The following HS3ST4 variants were observed in gnomAD, a reference collection of about 807,000 sequenced individuals.
HS3ST4 encodes the protein heparan sulfate glucosamine 3-O-sulfotransferase 4.
HS3ST4 carries 17 observed loss-of-function variants against 29.2 expected under a neutral mutation model. The ratio of observed to expected loss-of-function variants is 0.58; its 90% confidence interval spans 0.40 to 0.87. The LOEUF (loss-of-function observed/expected upper bound fraction) is 0.87. Ranked by LOEUF, HS3ST4 falls within the 40% of genes least tolerant of loss-of-function variation. HS3ST4 has a pLI of 0.00. For synonymous variants in HS3ST4, 314 were observed against 285.7 expected, an observed-to-expected ratio of 1.10 and a Z score of -1.00; for missense variants, 627 against 634.5, an observed-to-expected ratio of 0.99 and a Z score of 0.13.
chr16:25,838,800 C>T (rs916174880), intron 1 of HS3ST4, among the ~76,000 whole-genome samples: 3 of 152,166 alleles, frequency 2.0e-5, no homozygotes, highest in African/African-American at 7.2e-5. Flanking sequence ...AACACTCAGC[C>T]GAGAAAAGAG....
chr16:26,064,993 T>A (rs564672133), intron 1 of HS3ST4, among the ~76,000 whole-genome samples: 2 of 152,332 alleles, frequency 1.3e-5, no homozygotes, highest in Non-Finnish European at 2.9e-5. Flanking sequence ...TTAAAATACA[T>A]TCCAGATAGT....
At chr16:26,103,973 A>C (rs1443268896) in intron 1 of HS3ST4, among the ~76,000 whole-genome samples, 1 of 152,212 alleles carries the variant, frequency 6.6e-6, no homozygotes, top group East Asian at 1.9e-4. Flanking sequence ...GTTAAATTGA[A>C]ATGCTCTTAA....
chr16:25,872,031 C>T (rs1392466458), intron 1 of HS3ST4, among the ~76,000 whole-genome samples: 1 of 152,158 alleles, frequency 6.6e-6, no homozygotes, highest in African/African-American at 2.4e-5. Context: ...GATACAACCA[C>T]TTAGCCATGT....
At chr16:26,133,001 C>G (rs771076060) in intron 1 of HS3ST4, among the ~76,000 whole-genome samples, 2 of 152,092 alleles carry the variant, frequency 1.3e-5, no homozygotes, top group Middle Eastern at 3.2e-3. Flanking sequence ...ATGGTAGCTC[C>G]CTTGTTGGAC....
chr16:25,882,674 A>G (rs1299366458), intron 1 of HS3ST4, among the ~76,000 whole-genome samples: 3 of 152,154 alleles, frequency 2.0e-5, no homozygotes, highest in Admixed American at 1.3e-4. Flanking sequence ...TTGAGGGCTT[A>G]TGACTACTCT....
At chr16:25,872,780 C>A (rs1967768308) in intron 1 of HS3ST4, among the ~76,000 whole-genome samples, 1 of 152,130 alleles carries the variant, frequency 6.6e-6, no homozygotes, top group Non-Finnish European at 1.5e-5. Flanking sequence ...GGAAGAACTA[C>A]AAAAGCATAT....
At chr16:25,697,069 A>G (rs1004626211) in intron 1 of HS3ST4, among the ~76,000 whole-genome samples, 5 of 152,214 alleles carry the variant, frequency 3.3e-5, no homozygotes, top group Non-Finnish European at 7.4e-5. Context: ...ACTGCCACAC[A>G]TAAAGTACTA....
chr16:25,965,145 C>G (rs934670446), intron 1 of HS3ST4, among the ~76,000 whole-genome samples: 5 of 151,984 alleles, frequency 3.3e-5, no homozygotes, highest in African/African-American at 1.2e-4. Flanking sequence ...TCGGGAGGTG[C>G]GGGTGGGAGG....
At chr16:25,890,503 G>A (rs1419799458) in intron 1 of HS3ST4, among the ~76,000 whole-genome samples, 1 of 152,182 alleles carries the variant, frequency 6.6e-6, no homozygotes, top group Non-Finnish European at 1.5e-5. Context: ...ATTTCCTAGA[G>A]GTATTGATGA....
chr16:25,865,005 C>A (rs1967680198), intron 1 of HS3ST4, among the ~76,000 whole-genome samples: 1 of 151,612 alleles, frequency 6.6e-6, no homozygotes. Context: ...CACACACAAA[C>A]ACACATATGT....
chr16:25,968,231 T>C (rs1001714203), intron 1 of HS3ST4, among the ~76,000 whole-genome samples: 2 of 152,136 alleles, frequency 1.3e-5, no homozygotes, highest in Non-Finnish European at 2.9e-5. Flanking sequence ...TGAGGATGAG[T>C]TGCAGATGGA....
At chr16:25,992,977 T>C (rs1290215562) in intron 1 of HS3ST4, among the ~76,000 whole-genome samples, 1 of 152,192 alleles carries the variant, frequency 6.6e-6, no homozygotes, top group Non-Finnish European at 1.5e-5. Flanking sequence ...GGGGGCCCAT[T>C]CTTAGGCAGG....
At chr16:25,955,945 G>C (rs771104904) in intron 1 of HS3ST4, among the ~76,000 whole-genome samples, 16 of 151,906 alleles carry the variant, frequency 1.1e-4, no homozygotes, top group African/African-American at 3.6e-4. Flanking sequence ...CTCCCAAGTA[G>C]CTGGGATTAC....
intron 1 of HS3ST4, among the ~76,000 whole-genome samples, chr16:25,767,151 C>T (rs980393448): frequency 3.9e-5 from 6 of 152,222 alleles, no homozygotes; most frequent in African/African-American, 1.4e-4. Context: ...CACACTTCCT[C>T]TGAGTGGTTG....
chr16:25,966,435 C>G (rs1968843732), intron 1 of HS3ST4, among the ~76,000 whole-genome samples: 1 of 152,178 alleles, frequency 6.6e-6, no homozygotes, highest in Non-Finnish European at 1.5e-5. Flanking sequence ...ATCAAGCCTG[C>G]TCTCCTCCCT....
intron 1 of HS3ST4, among the ~76,000 whole-genome samples, chr16:25,693,864 GGA>G (rs1966274741): frequency 6.6e-6 from 1 of 152,168 alleles, no homozygotes; most frequent in Non-Finnish European, 1.5e-5. Flanking sequence ...GCAACAGATT[GGA>G]GCTTCTGTCT....
chr16:26,032,594 C>T (rs1451194329), intron 1 of HS3ST4: 2 of 1,381,794 alleles, frequency 1.4e-6, no homozygotes, highest in Admixed American at 3.3e-5. Flanking sequence ...TTTGGCATCT[C>T]CATTTTCTGC....
intron 1 of HS3ST4, among the ~76,000 whole-genome samples, chr16:26,079,835 G>A (rs1898704887): frequency 6.6e-6 from 1 of 152,174 alleles, no homozygotes; most frequent in Non-Finnish European, 1.5e-5. Context: ...TTTAGCACGG[G>A]AGCGGACTTA....
intron 1 of HS3ST4, among the ~76,000 whole-genome samples, chr16:25,756,802 A>C (rs553899071): frequency 1.5e-4 from 23 of 152,350 alleles, no homozygotes; most frequent in African/African-American, 5.3e-4. Context: ...AAGACCTAAC[A>C]GTATAGCACA....
Sources: allele counts gnomAD v4.1 joint callset (sites outside exome capture counted in the v4.1 genomes callset), GRCh38; gene constraint gnomAD v4.1.1; transcripts MANE v1.5; gene names NCBI Gene and HGNC (gene_info 2026-07-23, HGNC 2026-07-21).